NEGR1: variants seen among roughly 807,000 people sequenced by gnomAD.
NEGR1 encodes the protein IgLON family member 4.
In NEGR1, 10 loss-of-function variants were observed where a neutral mutation model predicts 40.9. That is an observed-to-expected ratio of 0.24 (90% CI 0.15 to 0.42). NEGR1 has a LOEUF of 0.42. Ranked by LOEUF, NEGR1 falls within the 10% of genes least tolerant of loss-of-function variation. The probability of loss-of-function intolerance (pLI) is 1.00; values close to 1 mark genes in which losing one functional copy is unlikely to be tolerated. For missense variants in NEGR1, 352 were observed against 438.9 expected (o/e 0.80, Z 1.77); for synonymous variants, 185 against 166.8 (o/e 1.11, Z -0.84).
intron 2 of NEGR1, among the ~76,000 whole-genome samples, chr1:71,903,590 C>G (rs1570483030): frequency 6.6e-6 from 1 of 151,912 alleles, no homozygotes; most frequent in Non-Finnish European, 1.5e-5. Context: ...CATGTGACAA[C>G]AGTGATTAAC....
At chr1:71,765,375 A>C (rs1281770391) in intron 3 of NEGR1, among the ~76,000 whole-genome samples, 3 of 152,218 alleles carry the variant, frequency 2.0e-5, no homozygotes, top group Admixed American at 6.5e-5. Flanking sequence ...AGGATGCAGA[A>C]AAACTTTCCA....
intron 1 of NEGR1, among the ~76,000 whole-genome samples, chr1:72,031,164 G>C (rs1646855116): frequency 6.6e-6 from 1 of 152,216 alleles, no homozygotes; most frequent in Non-Finnish European, 1.5e-5. Context: ...AGCCGCAGAA[G>C]AGGTGGCTTA....
intron 4 of NEGR1, among the ~76,000 whole-genome samples, chr1:71,650,692 A>AT (rs1256001266): frequency 6.6e-6 from 1 of 152,046 alleles, no homozygotes; most frequent in Non-Finnish European, 1.5e-5. Context: ...TTTAAGTTGT[A>AT]TTTTTGTAAA....
intron 1 of NEGR1, chr1:72,275,297 A>C: frequency 2.3e-6 from 1 of 443,850 alleles, no homozygotes; most frequent in Non-Finnish European, 4.0e-6. Flanking sequence ...GAGTAATTAA[A>C]ACTCAATTTG....
chr1:71,964,139 AT>A (rs1410173351), intron 1 of NEGR1, among the ~76,000 whole-genome samples: 2 of 152,108 alleles, frequency 1.3e-5, no homozygotes, highest in African/African-American at 4.8e-5. Flanking sequence ...CTTTGACCTC[AT>A]TTTACTACTT....
At chr1:71,925,780 C>T (rs1356110029) in intron 2 of NEGR1, among the ~76,000 whole-genome samples, 4 of 151,588 alleles carry the variant, frequency 2.6e-5, no homozygotes, top group African/African-American at 4.8e-5. Context: ...AAAACGACTC[C>T]AAGAAGAAAA....
rs1047409693 is a variant in NEGR1, at chr1:71,405,532, AAAT to A, written c.*1911_*1913del. 1 of 152,202 alleles carries A rather than the reference AAAT, an allele frequency of 6.6e-6. No individual in the cohort carries two copies. Among genetic ancestry groups the A allele is most frequent in the African/African-American group, 2.4e-5 (1 of 41,394 alleles). 9.4% of individuals were successfully genotyped at this position (152,202 alleles called of 1,614,324 possible). On this transcript the variant is annotated 3_prime_UTR_variant, in exon 7 of 7. Coordinates refer to ENST00000357731, the MANE Select transcript of NEGR1 (RefSeq NM_173808.3). ...AAACTCTTTTTTAATGTATCAATCA[AAAT>A]AATGTCATACATTTATTACAGTTAG...
chr1:71,416,431 TC>T (rs1210305013), intron 6 of NEGR1, among the ~76,000 whole-genome samples: 3 of 152,172 alleles, frequency 2.0e-5, no homozygotes, highest in Admixed American at 2.0e-4. Flanking sequence ...TTTGATCATT[TC>T]CATTTTTTTG....
chr1:72,267,134 A>T (rs1655673342), intron 1 of NEGR1, among the ~76,000 whole-genome samples: 1 of 150,976 alleles, frequency 6.6e-6, no homozygotes, highest in Non-Finnish European at 1.5e-5. Flanking sequence ...AATTCTTAGA[A>T]CCTATAGGTT....
intron 1 of NEGR1, among the ~76,000 whole-genome samples, chr1:72,201,478 C>A (rs985426313): frequency 6.6e-6 from 1 of 151,626 alleles, no homozygotes; most frequent in Non-Finnish European, 1.5e-5. Flanking sequence ...ATTTTAATGG[C>A]AAGTAAATTA....
At chr1:72,004,370 G>T (rs910171562) in intron 1 of NEGR1, among the ~76,000 whole-genome samples, 1 of 152,064 alleles carries the variant, frequency 6.6e-6, no homozygotes, top group Non-Finnish European at 1.5e-5. Flanking sequence ...GCAGTGGCAC[G>T]ATCTCTGCTC....
intron 1 of NEGR1, among the ~76,000 whole-genome samples, chr1:72,027,323 T>C (rs1646819126): frequency 6.6e-6 from 1 of 152,166 alleles, no homozygotes; most frequent in African/African-American, 2.4e-5. Context: ...AATCTGTTTT[T>C]AGCACATTTT....
At chr1:71,979,736 A>C (rs567438967) in intron 1 of NEGR1, among the ~76,000 whole-genome samples, 1 of 152,302 alleles carries the variant, frequency 6.6e-6, no homozygotes, top group East Asian at 1.9e-4. Flanking sequence ...GGTGGTGAGC[A>C]AAAGAAGCAG....
intron 1 of NEGR1, among the ~76,000 whole-genome samples, chr1:72,163,855 G>A (rs1192622557): frequency 6.6e-6 from 1 of 151,738 alleles, no homozygotes; most frequent in African/African-American, 2.4e-5. Flanking sequence ...ATTAGTAACT[G>A]AAAATAATTA....
intron 1 of NEGR1, among the ~76,000 whole-genome samples, chr1:72,120,367 G>C (rs996953884): frequency 6.6e-6 from 1 of 151,898 alleles, no homozygotes; most frequent in African/African-American, 2.4e-5. Context: ...TTATTGAAGA[G>C]TATAGCTAAA....
chr1:72,071,654 G>A (rs998561454), intron 1 of NEGR1, among the ~76,000 whole-genome samples: 15 of 152,026 alleles, frequency 9.9e-5, no homozygotes, highest in Admixed American at 9.9e-4. Context: ...AGTGTGGAAT[G>A]TCCCCTCTCT....
chr1:71,969,490 C>T (rs936536361), intron 1 of NEGR1, among the ~76,000 whole-genome samples: 4 of 152,192 alleles, frequency 2.6e-5, no homozygotes, highest in Non-Finnish European at 5.9e-5. Context: ...CCCCAGGATG[C>T]ATGCAGTCAA....
intron 3 of NEGR1, among the ~76,000 whole-genome samples, chr1:71,749,211 A>G (rs955885175): frequency 1.3e-5 from 2 of 152,184 alleles, no homozygotes; most frequent in Non-Finnish European, 2.9e-5. Context: ...TATCACTATT[A>G]CTGAGGTATC....
chr1:71,619,993 C>T (rs369666075), intron 4 of NEGR1, among the ~76,000 whole-genome samples: 55 of 152,048 alleles, frequency 3.6e-4, no homozygotes, highest in African/African-American at 1.2e-3. Flanking sequence ...TTATTAAAAA[C>T]GAGTAAATCC....
Sources: gnomAD v4.1 joint callset for allele counts (sites outside exome capture counted in the v4.1 genomes callset) on GRCh38, gnomAD v4.1.1 for gene constraint, MANE v1.5 for transcripts, NCBI Gene and HGNC (gene_info 2026-07-23, HGNC 2026-07-21) for gene names.